DAW1: variants seen among roughly 807,000 people sequenced by gnomAD.
DAW1 encodes dynein assembly factor with WD repeat domains 1.
DAW1 carries 47 observed loss-of-function variants against 56.5 expected under a neutral mutation model. The ratio of observed to expected loss-of-function variants is 0.83; its 90% confidence interval spans 0.66 to 1.06. The LOEUF (loss-of-function observed/expected upper bound fraction) is 1.06. Among genes scored for constraint, DAW1 ranks in the 50% least tolerant of loss-of-function variants. The pLI, the probability that DAW1 is intolerant of heterozygous loss-of-function variation, is 0.00. For missense variants in DAW1, 505 were observed against 499.3 expected, an observed-to-expected ratio of 1.01 and a Z score of -0.11; for synonymous variants, 190 against 179.0, an observed-to-expected ratio of 1.06 and a Z score of -0.49.
chr2:227,871,798 C>A (rs1253778777), intron 1 of DAW1, 69 bp downstream of exon 1: 4 of 1,593,136 alleles, frequency 2.5e-6, no homozygotes, highest in Non-Finnish European at 3.4e-6. Context: ...GGGTTTGGGG[C>A]GGAGGAGGGC....
intron 6 of DAW1, among the ~76,000 whole-genome samples, chr2:227,901,065 G>A (rs1387881258): frequency 6.6e-6 from 1 of 152,202 alleles, no homozygotes; most frequent in Non-Finnish European, 1.5e-5. Flanking sequence ...TTATTTCTGT[G>A]GCACTGTGAA....
rs555970746 is a variant in DAW1, at chr2:227,892,322, C to T, written c.317+1009C>T. On this transcript the variant is annotated intron_variant, in intron 4 of 12. Transcript: ENST00000309931. Reference sequence around the variant, plus strand: ...TAATTTTTTGTATTTTTAGCAGAGACGGGGTTTCTCCATGTTGGTCAGGCT... The same window carrying T: ...TAATTTTTTGTATTTTTAGCAGAGATGGGGTTTCTCCATGTTGGTCAGGCT... Among the ~76,000 whole-genome samples the T allele has an allele frequency of 4.6e-5, 7 of 151,876 alleles. No individual in the cohort carries two copies. In the South Asian group the frequency reaches 8.3e-4, roughly 18 times the overall value.
At chr2:227,901,366 T>C (rs1691541153) in intron 6 of DAW1, among the ~76,000 whole-genome samples, 1 of 152,162 alleles carries the variant, frequency 6.6e-6, no homozygotes, top group Non-Finnish European at 1.5e-5. Flanking sequence ...GCCTGTGTGA[T>C]AGCCAAACAG....
At chr2:227,884,692 G>C (rs1346996239) in intron 1 of DAW1, among the ~76,000 whole-genome samples, 2 of 152,198 alleles carry the variant, frequency 1.3e-5, no homozygotes, top group Non-Finnish European at 2.9e-5. Flanking sequence ...CTGCTGGCTG[G>C]AAGGCAGGGA....
In DAW1 at chr2:227,885,346, T is replaced by A. The variant is rs1227534424; in HGVS notation, c.41-5T>A. 2 of 1,583,030 alleles carry A rather than the reference T, an allele frequency of 1.3e-6. No individual in the cohort carries two copies. Among genetic ancestry groups the A allele is most frequent in the South Asian group, 2.3e-5 (2 of 85,450 alleles). ...GTTTTATAACATGTTTGTTTATTTCTATAGGAATTATGTTGGAATATGAAA... is the reference window on the plus strand; with the variant it reads ...GTTTTATAACATGTTTGTTTATTTCAATAGGAATTATGTTGGAATATGAAA... On this transcript the variant is annotated splice_polypyrimidine_tract_variant and splice_region_variant and intron_variant, in intron 1 of 12. Coordinates refer to ENST00000309931, the MANE Select transcript of DAW1 (RefSeq NM_178821.3).
At chr2:227,873,550 A>T (rs1690805179) in intron 1 of DAW1, among the ~76,000 whole-genome samples, 1 of 152,202 alleles carries the variant, frequency 6.6e-6, no homozygotes, top group Non-Finnish European at 1.5e-5. Flanking sequence ...TGGAAGACCG[A>T]TCCTGGACAG....
At chr2:227,894,035 T>C in intron 5 of DAW1, 118 bp downstream of exon 5, 7 of 1,129,026 alleles carry the variant, frequency 6.2e-6, no homozygotes, top group Non-Finnish European at 6.0e-6. Flanking sequence ...GTATGTGCTT[T>C]GGAAGCCTTT....
In DAW1 at chr2:227,898,169, T is replaced by C. The variant is rs773253886; in HGVS notation, c.441-13T>C. 8 of 1,530,890 alleles carry C rather than the reference T, an allele frequency of 5.2e-6. No individual in the cohort carries two copies. Among genetic ancestry groups the C allele is most frequent in the African/African-American group, 2.7e-5 (2 of 73,322 alleles). 94.8% of individuals were successfully genotyped at this position (1,530,890 alleles called of 1,614,324 possible). A position where few individuals can be genotyped will look rare whatever the true frequency, so the allele number is the denominator to read the frequency against. ...TCTTTTTTTAAATAATCTACATTTC[T>C]TTTAAATCTTAGTGACAAAATCGCC... On this transcript the variant is annotated splice_polypyrimidine_tract_variant and intron_variant, in intron 5 of 12. Coordinates refer to ENST00000309931, the MANE Select transcript of DAW1 (RefSeq NM_178821.3).
intron 7 of DAW1, among the ~76,000 whole-genome samples, chr2:227,904,150 G>A (rs781111952): frequency 6.6e-6 from 1 of 152,086 alleles, no homozygotes; most frequent in Non-Finnish European, 1.5e-5. Flanking sequence ...GCCAGAGAGT[G>A]AATTTGTTTT....
Position 227,905,029 on chromosome 2 carries a change from C to A in DAW1, c.749C>A (p.Thr250Asn), listed in dbSNP as rs994248663. 3 of 1,611,920 alleles carry A rather than the reference C, an allele frequency of 1.9e-6. No individual in the cohort carries two copies. The highest frequency in any genetic ancestry group is 2.7e-5 in the African/African-American group (2 of 74,960). Residue 250 changes from threonine (T) to asparagine (N), a missense_variant, in exon 8 of 13, where the codon ACT becomes AAT. By Grantham distance (65) the Thr-to-Asn change is moderately conservative (BLOSUM62 0). Coordinates refer to ENST00000309931, the MANE Select transcript of DAW1 (RefSeq NM_178821.3). ...ACCGTTGTAGTGTGGGACGCTGATA[C>A]TGGAAGGTAATTCTTAGTTCTTAAG... ...DHTVVVWDAD[T>N]GRKVNILIGH... is the part of the protein sequence containing the mutation.
intron 10 of DAW1, among the ~76,000 whole-genome samples, chr2:227,910,131 TTGA>T (rs937442106): frequency 6.6e-6 from 1 of 152,152 alleles, no homozygotes; most frequent in African/African-American, 2.4e-5. Flanking sequence ...GACAATTTCC[TTGA>T]TGATCATGTA....
intron 5 of DAW1, among the ~76,000 whole-genome samples, chr2:227,897,284 T>C (rs995908042): frequency 6.6e-6 from 1 of 152,032 alleles, no homozygotes; most frequent in Non-Finnish European, 1.5e-5. Context: ...ACAAAGAGGA[T>C]GGCACTTTGC....
intron 9 of DAW1, among the ~76,000 whole-genome samples, chr2:227,906,720 A>G (rs1691692243): frequency 6.6e-6 from 1 of 152,200 alleles, no homozygotes; most frequent in Non-Finnish European, 1.5e-5. Flanking sequence ...ATACTATGGA[A>G]TTATCATTTG....
At chr2:227,905,715 T>G (rs528827485) in intron 8 of DAW1, among the ~76,000 whole-genome samples, 1 of 152,368 alleles carries the variant, frequency 6.6e-6, no homozygotes, top group Non-Finnish European at 1.5e-5. Context: ...TTTTGATAGT[T>G]TAAAATCTAA....
chr2:227,914,563 A>G (rs1270944701), intron 10 of DAW1, among the ~76,000 whole-genome samples: 1 of 152,042 alleles, frequency 6.6e-6, no homozygotes, highest in Non-Finnish European at 1.5e-5. Context: ...TGTGCACCTT[A>G]TATCCAAGAA....
rs1171689593 is a variant in DAW1 at position 227,893,896 on chromosome 2, T to C, written c.419T>C (p.Ile140Thr). The change falls in exon 5 of 13, where the codon ATA (isoleucine) becomes ACA (threonine). Residue 140 changes from isoleucine (I) to threonine (T), a missense_variant. Coordinates refer to ENST00000309931, the MANE Select transcript of DAW1 (RefSeq NM_178821.3). Reference sequence around the variant, plus strand: ...GGCCACAGGAATGTGGTTTATGCCATAGCATTCAACAATCCTTACGGGTGT... The same window carrying C: ...GGCCACAGGAATGTGGTTTATGCCACAGCATTCAACAATCCTTACGGGTGT... ...LEGHRNVVYA[I>T]AFNNPYGDKI... The C allele has an allele frequency of 6.2e-6, 10 of 1,611,642 alleles. No individual in the cohort carries two copies. The highest frequency in any genetic ancestry group is 1.3e-5 in the African/African-American group (1 of 74,886).
At chr2:227,914,807 T>G (rs1691913794) in intron 10 of DAW1, among the ~76,000 whole-genome samples, 1 of 152,132 alleles carries the variant, frequency 6.6e-6, no homozygotes, top group Admixed American at 6.5e-5. Flanking sequence ...CAATATGATA[T>G]CTGTCTTAGA....
chr2:227,880,305 C>A (rs1690979324), intron 1 of DAW1, among the ~76,000 whole-genome samples: 1 of 151,164 alleles, frequency 6.6e-6, no homozygotes, highest in Non-Finnish European at 1.5e-5. Flanking sequence ...ATGTGGCATA[C>A]AGCTAGGTTT....
At chr2:227,895,054 G>T (rs935328799) in intron 5 of DAW1, among the ~76,000 whole-genome samples, 1 of 152,204 alleles carries the variant, frequency 6.6e-6, no homozygotes, top group East Asian at 1.9e-4. Context: ...ACTAAATGAA[G>T]TTGTGGAGGA....
Sources: allele counts gnomAD v4.1 joint callset (sites outside exome capture counted in the v4.1 genomes callset), GRCh38; gene constraint gnomAD v4.1.1; transcripts MANE v1.5; gene names NCBI Gene and HGNC (gene_info 2026-07-23, HGNC 2026-07-21).